The following SRGAP1 variants were observed in gnomAD, a reference collection of about 807,000 sequenced individuals.
SRGAP1 encodes the protein SLIT-ROBO Rho GTPase activating protein 1.
Under a neutral mutation model 121.9 loss-of-function variants are expected in SRGAP1, and 43 were observed. The ratio of observed to expected loss-of-function variants is 0.35; its 90% CI spans 0.28 to 0.46. The LOEUF (loss-of-function observed/expected upper bound fraction) is 0.46, where lower values mean the gene tolerates loss of function less well. Among genes scored for constraint, SRGAP1 ranks in the 20% least tolerant of loss-of-function variants. SRGAP1 has a pLI of 1.00. For missense variants in SRGAP1, 1,102 were observed against 1,350.9 expected, an observed-to-expected ratio of 0.82 and a Z score of 2.89; for synonymous variants, 447 against 485.4, an observed-to-expected ratio of 0.92 and a Z score of 1.04.
intron 18 of SRGAP1, among the ~76,000 whole-genome samples, chr12:64,122,690 G>C (rs1279520654): frequency 6.6e-6 from 1 of 152,188 alleles, no homozygotes; most frequent in Admixed American, 6.5e-5. Context: ...ACAAGGTCAA[G>C]AGATCGAGAC....
chr12:63,946,673 A>G (rs1364768032), intron 1 of SRGAP1, among the ~76,000 whole-genome samples: 1 of 151,694 alleles, frequency 6.6e-6, no homozygotes, highest in Non-Finnish European at 1.5e-5. Flanking sequence ...CCTCCCAGGT[A>G]GCTGGGACCA....
intron 4 of SRGAP1, among the ~76,000 whole-genome samples, chr12:64,017,499 G>A (rs547436585): frequency 6.6e-6 from 1 of 152,046 alleles, no homozygotes; most frequent in Admixed American, 6.6e-5. Context: ...TATTAAAAAT[G>A]TAAAAGGTAG....
At chr12:64,001,173 A>G (rs764427172) in intron 3 of SRGAP1, among the ~76,000 whole-genome samples, 2 of 152,174 alleles carry the variant, frequency 1.3e-5, no homozygotes, top group African/African-American at 4.8e-5. Flanking sequence ...GGTCTTATAT[A>G]TAATATTAAA....
At chr12:63,911,221 C>T (rs2030480391) in intron 1 of SRGAP1, among the ~76,000 whole-genome samples, 2 of 150,734 alleles carry the variant, frequency 1.3e-5, no homozygotes, top group African/African-American at 4.9e-5. Flanking sequence ...ATGGCGTGAA[C>T]CCAGGAGGCG....
chr12:64,093,899 A>C (rs1225438512), intron 12 of SRGAP1, among the ~76,000 whole-genome samples: 2 of 152,154 alleles, frequency 1.3e-5, no homozygotes, highest in African/African-American at 2.4e-5. Flanking sequence ...GCTGAACTGC[A>C]TTATTCTTAA....
At chr12:63,888,521 A>G (rs1900468945) in intron 1 of SRGAP1, 2 of 152,200 alleles carry the variant, frequency 1.3e-5, no homozygotes, top group African/African-American at 4.8e-5. Flanking sequence ...AGGATCTGAC[A>G]TTCTAGGCTT....
At chr12:64,079,256 G>C (rs2035793555) in intron 9 of SRGAP1, 140 bp downstream of exon 9, 1 of 895,734 alleles carries the variant, frequency 1.1e-6, no homozygotes, top group East Asian at 2.6e-5. Flanking sequence ...TCCTGATTCA[G>C]TCAGTTTCGG....
At chr12:64,042,719 A>G (rs552856578) in intron 4 of SRGAP1, 71 bp from the exon 5 acceptor site, 4 of 1,253,428 alleles carry the variant, frequency 3.2e-6, no homozygotes, top group Middle Eastern at 1.9e-4. Flanking sequence ...TATACGTCGT[A>G]TAAATGGTTC....
At chr12:63,900,275 G>A (rs780430558) in intron 1 of SRGAP1, among the ~76,000 whole-genome samples, 1 of 141,246 alleles carries the variant, frequency 7.1e-6, no homozygotes, top group African/African-American at 2.6e-5. Flanking sequence ...GCACGATCTC[G>A]GCTCACTGCA....
chr12:64,100,895 G>A (rs2036243178), intron 15 of SRGAP1, among the ~76,000 whole-genome samples: 1 of 151,564 alleles, frequency 6.6e-6, no homozygotes, highest in Non-Finnish European at 1.5e-5. Context: ...TTTTATCATT[G>A]TATCCCCTTA....
intron 3 of SRGAP1, among the ~76,000 whole-genome samples, chr12:64,015,582 A>G (rs2034381119): frequency 6.6e-6 from 1 of 152,174 alleles, no homozygotes; most frequent in Non-Finnish European, 1.5e-5. Context: ...ACACTATTTT[A>G]TCTTCCATGA....
intron 1 of SRGAP1, among the ~76,000 whole-genome samples, chr12:63,934,352 G>A (rs982669741): frequency 6.6e-6 from 1 of 152,068 alleles, no homozygotes; most frequent in Admixed American, 6.5e-5. Flanking sequence ...CATTGGGTTG[G>A]CCTCCCAAGA....
intron 1 of SRGAP1, among the ~76,000 whole-genome samples, chr12:63,950,887 C>T (rs1292496054): frequency 6.6e-6 from 1 of 151,600 alleles, no homozygotes; most frequent in Non-Finnish European, 1.5e-5. Context: ...GTCCCCCACT[C>T]CACCCCACCC....
intron 3 of SRGAP1, among the ~76,000 whole-genome samples, chr12:64,013,925 A>C (rs971247917): frequency 6.6e-6 from 1 of 152,220 alleles, no homozygotes; most frequent in Admixed American, 6.5e-5. Flanking sequence ...AGCCCCTCCT[A>C]CAGGGAAGCC....
At chr12:63,919,521 TACACATAC>T (rs1332417214) in intron 1 of SRGAP1, among the ~76,000 whole-genome samples, 34 of 139,054 alleles carry the variant, frequency 2.4e-4, no homozygotes, top group African/African-American at 8.4e-4. Context: ...TATATATATA[TACACATAC>T]ACACACACAC....
intron 1 of SRGAP1, 113 bp from the exon 2 acceptor site, chr12:63,983,834 A>ATTT (rs2033336041): frequency 9.7e-6 from 1 of 103,448 alleles, no homozygotes; most frequent in Non-Finnish European, 1.9e-5. Flanking sequence ...ATATATATAT[A>ATTT]TATATATATA....
intron 1 of SRGAP1, among the ~76,000 whole-genome samples, chr12:63,925,834 C>T (rs995398393): frequency 6.6e-6 from 1 of 152,088 alleles, no homozygotes; most frequent in Non-Finnish European, 1.5e-5. Context: ...TATGTCTGAC[C>T]CCACTTTCCC....
In SRGAP1 at chr12:64,115,225, A is replaced by T. The variant is rs758530329; in HGVS notation, c.2145-589A>T. 9.8e-5 allele frequency among the ~76,000 whole-genome samples: 15 copies of T among 152,330 alleles called. No homozygotes were observed. The South Asian group carries it at 1.0e-3, about 11-fold the overall frequency. ...AATAATCATATTCTACCAGAATTCA[A>T]CTAATTTGTATTTCTGTGGATAAGA... On this transcript the variant is annotated intron_variant, in intron 17 of 21. Coordinates refer to ENST00000355086, the MANE Select transcript of SRGAP1 (RefSeq NM_020762.4).
intron 6 of SRGAP1, among the ~76,000 whole-genome samples, chr12:64,047,050 G>A (rs1349157789): frequency 6.6e-6 from 1 of 152,100 alleles, no homozygotes; most frequent in Admixed American, 6.6e-5. Flanking sequence ...ACCTAAATAA[G>A]TAACTGTTAA....
Sources: allele counts gnomAD v4.1 joint callset (sites outside exome capture counted in the v4.1 genomes callset), GRCh38; gene constraint gnomAD v4.1.1; transcripts MANE v1.5; gene names NCBI Gene and HGNC (gene_info 2026-07-23, HGNC 2026-07-21).